The following TAF4 variants were observed in gnomAD, a reference collection of about 807,000 sequenced individuals.
TAF4 encodes TATA-box binding protein associated factor 4.
In TAF4, 9 loss-of-function variants were observed where a neutral mutation model predicts 90.3. The observed-to-expected ratio is 0.10, with a 90% confidence interval of 0.06 to 0.17. The LOEUF (loss-of-function observed/expected upper bound fraction) is 0.17. Among genes scored for constraint, TAF4 ranks in the 10% least tolerant of loss-of-function variants. The pLI is 1.00. For synonymous variants in TAF4, 818 were observed against 638.9 expected, an observed-to-expected ratio of 1.28 and a Z score of -4.23; for missense variants, 1,351 against 1,370.7, an observed-to-expected ratio of 0.99 and a Z score of 0.23.
chr20:62,007,503 T>A (rs2123139517), intron 6 of TAF4, 44 bp downstream of exon 6: 2 of 1,585,992 alleles, frequency 1.3e-6, no homozygotes, highest in Non-Finnish European at 8.7e-7. Context: ...GCCCCACCCC[T>A]CCCTGGCCCT....
At chr20:62,007,157 G>A (rs2055751312) in intron 6 of TAF4, among the ~76,000 whole-genome samples, 1 of 152,192 alleles carries the variant, frequency 6.6e-6, no homozygotes, top group South Asian at 2.1e-4. Context: ...TCATAAATGT[G>A]TACAAATATA....
chr20:62,028,488 C>T (rs986133206), intron 1 of TAF4, among the ~76,000 whole-genome samples: 2 of 152,126 alleles, frequency 1.3e-5, no homozygotes, highest in Non-Finnish European at 2.9e-5. Flanking sequence ...ACGTTTTGCT[C>T]GCTTGGGTTC....
intron 1 of TAF4, among the ~76,000 whole-genome samples, chr20:62,028,462 C>T (rs2055886215): frequency 1.3e-5 from 2 of 152,138 alleles, no homozygotes; most frequent in Non-Finnish European, 1.5e-5. Flanking sequence ...ATGAAACCCA[C>T]GTACACAGAG....
At chr20:61,994,250 T>C (rs370026922) in intron 14 of TAF4, among the ~76,000 whole-genome samples, 1 of 152,266 alleles carries the variant, frequency 6.6e-6, no homozygotes, top group South Asian at 2.1e-4. Flanking sequence ...CAGCGTGGGC[T>C]GCGGGCCTCA....
intron 1 of TAF4, among the ~76,000 whole-genome samples, chr20:62,046,780 T>C (rs891869940): frequency 2.6e-5 from 4 of 152,232 alleles, no homozygotes; most frequent in Non-Finnish European, 4.4e-5. Flanking sequence ...GGGTGTGTTA[T>C]CAGCCGCAGC....
intron 14 of TAF4, among the ~76,000 whole-genome samples, chr20:61,989,353 T>A (rs961319824): frequency 6.6e-6 from 1 of 152,048 alleles, no homozygotes; most frequent in Non-Finnish European, 1.5e-5. Context: ...CAATAAGGAA[T>A]GCCACAGACG....
intron 14 of TAF4, among the ~76,000 whole-genome samples, chr20:61,993,972 C>T (rs554979698): frequency 6.6e-6 from 1 of 152,162 alleles, no homozygotes; most frequent in South Asian, 2.1e-4. Flanking sequence ...AGGCTGGTCT[C>T]GAACTCCTGA....
chr20:62,062,976 C>T (rs2056098009), intron 1 of TAF4, among the ~76,000 whole-genome samples: 1 of 152,212 alleles, frequency 6.6e-6, no homozygotes, highest in Non-Finnish European at 1.5e-5. Context: ...AGCCATCAAA[C>T]ATCTTTTTAC....
intron 1 of TAF4, among the ~76,000 whole-genome samples, chr20:62,015,472 G>C (rs1371928583): frequency 6.6e-6 from 1 of 152,166 alleles, no homozygotes; most frequent in Non-Finnish European, 1.5e-5. Context: ...CCATGACAGA[G>C]GTGGGGATGC....
intron 1 of TAF4, among the ~76,000 whole-genome samples, chr20:62,055,107 C>T (rs2056052930): frequency 6.6e-6 from 1 of 152,254 alleles, no homozygotes; most frequent in Admixed American, 6.5e-5. Context: ...TCAATGGCTT[C>T]CAGCCACTGA....
At chr20:62,062,432 CAAAT>C (rs957973360) in intron 1 of TAF4, among the ~76,000 whole-genome samples, 1 of 151,130 alleles carries the variant, frequency 6.6e-6, no homozygotes, top group East Asian at 1.9e-4. Flanking sequence ...ATTATTGAAA[CAAAT>C]AACATAATCA....
At chr20:62,009,895 T>C in intron 4 of TAF4, 151 bp downstream of exon 4, 1 of 1,265,640 alleles carries the variant, frequency 7.9e-7, no homozygotes, top group Non-Finnish European at 1.1e-6. Context: ...GAGCCCCACG[T>C]GCTCACGTGG....
chr20:61,982,046 A>C (rs369741784), intron 14 of TAF4, among the ~76,000 whole-genome samples: 2 of 61,838 alleles, frequency 3.2e-5, no homozygotes, highest in South Asian at 7.0e-4. Context: ...CACCCCACCC[A>C]AGAGGAGACA....
chr20:61,995,220 G>A (rs988844872), intron 14 of TAF4, among the ~76,000 whole-genome samples: 3 of 152,222 alleles, frequency 2.0e-5, no homozygotes, highest in African/African-American at 7.2e-5. Context: ...CAGCAGTCGA[G>A]AGAAACTGAA....
chr20:61,980,521 T>C (rs779802635), intron 14 of TAF4: 5 of 152,340 alleles, frequency 3.3e-5, no homozygotes, highest in African/African-American at 7.2e-5. Context: ...GCCCTCTCCG[T>C]GCCTAACCAT....
intron 1 of TAF4, among the ~76,000 whole-genome samples, chr20:62,050,896 C>T (rs536992504): frequency 1.3e-5 from 2 of 152,312 alleles, no homozygotes; most frequent in Non-Finnish European, 2.9e-5. Flanking sequence ...AGCAAGGCCC[C>T]TTTCTGCCAC....
chr20:62,065,353 G>A lies in TAF4; in HGVS notation c.458C>T (p.Ala153Val), dbSNP rs1192187788. The A allele has an allele frequency of 5.2e-5, 50 of 968,728 alleles. No individual in the cohort carries two copies. The highest frequency in any genetic ancestry group is 6.0e-5 in the Non-Finnish European group (49 of 820,264). 60.0% of individuals were successfully genotyped at this position (968,728 alleles called of 1,614,324 possible). ...AAAVAAGPEP[A>V]PAGPAKPAGP... is the part of the protein sequence containing the mutation. ...GGCGGGCTTGGCGGGGCCGGCGGGGGCGGGCTCGGGCCCCGCGGCGACGGC... is the reference window on the plus strand; with the variant it reads ...GGCGGGCTTGGCGGGGCCGGCGGGGACGGGCTCGGGCCCCGCGGCGACGGC... Residue 153 changes from alanine (A) to valine (V), a missense_variant, in exon 1 of 15, where the codon GCC becomes GTC. Ala to Val is a moderately conservative substitution (Grantham distance 64). This residue lies in a region of TAF4 where 782 missense variants were observed against 536.6 expected (regional missense o/e 1.46). Coordinates refer to ENST00000252996, the MANE Select transcript of TAF4 (RefSeq NM_003185.4).
chr20:62,041,554 G>A (rs995239901), intron 1 of TAF4, among the ~76,000 whole-genome samples: 1 of 152,020 alleles, frequency 6.6e-6, no homozygotes, highest in Non-Finnish European at 1.5e-5. Flanking sequence ...GCTTGAACCC[G>A]GGAGGCAGAG....
chr20:62,025,786 T>C (rs2055871351), intron 1 of TAF4, among the ~76,000 whole-genome samples: 2 of 152,110 alleles, frequency 1.3e-5, no homozygotes, highest in African/African-American at 4.8e-5. Flanking sequence ...TGCATTTATA[T>C]AAAATTCTAA....
Sources: gnomAD v4.1 joint callset for allele counts (sites outside exome capture counted in the v4.1 genomes callset) on GRCh38, gnomAD v4.1.1 for gene constraint, gnomAD v4.1.1 regional missense constraint, MANE v1.5 for transcripts, NCBI Gene and HGNC (gene_info 2026-07-23, HGNC 2026-07-21) for gene names.